Variants in ITGBL1 observed in about 807,000 individuals in gnomAD.
The protein encoded by ITGBL1 is integrin subunit beta like 1, also known as integrin beta-like protein 1.
In ITGBL1, 51 loss-of-function variants were observed where a neutral mutation model predicts 68.5. The observed-to-expected ratio is 0.74, with a 90% CI of 0.59 to 0.94. The LOEUF (loss-of-function observed/expected upper bound fraction) is 0.94. ITGBL1 is among the 40% of genes least tolerant of loss of function. The probability of loss-of-function intolerance (pLI) is 0.00; values close to 1 mark genes in which losing one functional copy is unlikely to be tolerated. For missense variants in ITGBL1, 649 were observed against 647.4 expected (o/e 1.00, Z -0.03); for synonymous variants, 209 against 227.3 (o/e 0.92, Z 0.72).
At position 101,453,938 on chromosome 13, in the gene ITGBL1, C is replaced by T. The variant is rs1205534655; in HGVS notation, c.154C>T (p.Arg52Cys). 7 of 1,420,108 alleles carry T rather than the reference C, an allele frequency of 4.9e-6. No homozygotes were observed. Among genetic ancestry groups the T allele is most frequent in the Non-Finnish European group, 2.8e-6 (3 of 1,080,624 alleles). The allele number at this position is 1,420,108 out of a possible 1,614,324, so 88.0% of individuals were successfully genotyped here. A position where few individuals can be genotyped will look rare whatever the true frequency, so the allele number is the denominator to read the frequency against. The change falls in exon 2 of 11, where the codon CGC (arginine) becomes TGC (cysteine). Residue 52 changes from arginine to cysteine, a missense_variant. Physicochemically the swap from Arg to Cys is radical, Grantham distance 180. Coordinates refer to ENST00000376180, the MANE Select transcript of ITGBL1 (RefSeq NM_004791.3). ...CCGGGCCGAGTCGGAGCGACGCTGCCGCGCACCTGGGCAGCCCCCGGGGGC... is the reference window on the plus strand; with the variant it reads ...CCGGGCCGAGTCGGAGCGACGCTGCTGCGCACCTGGGCAGCCCCCGGGGGC... ...LSRAESERRC[R>C]APGQPPGAAL...
At chr13:101,576,711 A>G (rs1347557127) in intron 4 of ITGBL1, among the ~76,000 whole-genome samples, 1 of 152,104 alleles carries the variant, frequency 6.6e-6, no homozygotes, top group East Asian at 1.9e-4. Context: ...ATCCAAATAC[A>G]CTTATTTTAG....
intron 7 of ITGBL1, among the ~76,000 whole-genome samples, chr13:101,652,783 T>C (rs993349073): frequency 2.6e-5 from 4 of 152,062 alleles, no homozygotes; most frequent in Non-Finnish European, 1.5e-5. Flanking sequence ...GTTACCTCAA[T>C]ATAGTGATCA....
intron 2 of ITGBL1, among the ~76,000 whole-genome samples, chr13:101,463,110 A>G (rs543363564): frequency 1.6e-4 from 24 of 152,324 alleles, no homozygotes; most frequent in African/African-American, 5.8e-4. Flanking sequence ...CATATGAGTG[A>G]TTAATAAATC....
At chr13:101,618,222 A>C (rs1054329527) in intron 7 of ITGBL1, among the ~76,000 whole-genome samples, 3 of 152,180 alleles carry the variant, frequency 2.0e-5, no homozygotes, top group Non-Finnish European at 4.4e-5. Flanking sequence ...ATAGATTAGG[A>C]AAGTGTTAAA....
chr13:101,647,724 A>G (rs1283460780), intron 7 of ITGBL1, among the ~76,000 whole-genome samples: 1 of 152,164 alleles, frequency 6.6e-6, no homozygotes, highest in Non-Finnish European at 1.5e-5. Context: ...GAAAATATAG[A>G]AGGTTGAGAC....
chr13:101,566,937 A>G (rs927586225), intron 2 of ITGBL1, among the ~76,000 whole-genome samples: 7 of 152,156 alleles, frequency 4.6e-5, no homozygotes, highest in Non-Finnish European at 1.0e-4. Flanking sequence ...TTCTTTGTAT[A>G]TTAGCCTTGA....
At chr13:101,679,847 A>G (rs2033599547) in intron 7 of ITGBL1, among the ~76,000 whole-genome samples, 4 of 152,182 alleles carry the variant, frequency 2.6e-5, no homozygotes, top group African/African-American at 9.6e-5. Flanking sequence ...TTCTCTTCCC[A>G]TTTTCAATTT....
At chr13:101,643,923 G>A (rs2032473261) in intron 7 of ITGBL1, among the ~76,000 whole-genome samples, 1 of 152,060 alleles carries the variant, frequency 6.6e-6, no homozygotes, top group Admixed American at 6.6e-5. Flanking sequence ...TTCTTTCTGG[G>A]GTTGTAAACT....
At chr13:101,710,601 TATC>T (rs749296807) in intron 9 of ITGBL1, among the ~76,000 whole-genome samples, 1 of 152,224 alleles carries the variant, frequency 6.6e-6, no homozygotes, top group Non-Finnish European at 1.5e-5. Context: ...CCAAATTTTC[TATC>T]ATTTTTCTCA....
chr13:101,539,465 G>T (rs1251619172), intron 2 of ITGBL1, among the ~76,000 whole-genome samples: 1 of 152,126 alleles, frequency 6.6e-6, no homozygotes, highest in East Asian at 1.9e-4. Flanking sequence ...TGGACATTTG[G>T]GTTGGTTCCA....
At chr13:101,548,974 A>C (rs777847340) in intron 2 of ITGBL1, among the ~76,000 whole-genome samples, 1 of 151,952 alleles carries the variant, frequency 6.6e-6, no homozygotes, top group Admixed American at 6.6e-5. Context: ...CAGACCTACC[A>C]ATTATTTTTT....
chr13:101,648,080 G>A (rs902338472), intron 7 of ITGBL1, among the ~76,000 whole-genome samples: 4 of 152,112 alleles, frequency 2.6e-5, no homozygotes, highest in African/African-American at 9.7e-5. Flanking sequence ...TTGGACTTGT[G>A]AGATCTACCC....
downstream of ITGBL1, chr13:101,716,577 A>AT (rs1022795309): frequency 2.6e-5 from 4 of 152,120 alleles, no homozygotes; most frequent in African/African-American, 7.2e-5. Context: ...AAGAAATCTG[A>AT]TTTTTTATTT....
intron 7 of ITGBL1, among the ~76,000 whole-genome samples, chr13:101,636,063 G>T (rs897122832): frequency 1.3e-5 from 2 of 151,928 alleles, no homozygotes; most frequent in African/African-American, 4.8e-5. Context: ...ATCCCAACAG[G>T]CTGAGACCAT....
chr13:101,679,704 GT>G (rs2139523866), intron 7 of ITGBL1, among the ~76,000 whole-genome samples: 1 of 152,276 alleles, frequency 6.6e-6, no homozygotes, highest in South Asian at 2.1e-4. Context: ...ATCTTGAATA[GT>G]TTTTGGTGTT....
chr13:101,479,184 A>C (rs903914641), intron 2 of ITGBL1, among the ~76,000 whole-genome samples: 1 of 152,104 alleles, frequency 6.6e-6, no homozygotes, highest in Non-Finnish European at 1.5e-5. Context: ...TTTTTTATAA[A>C]GGTGCCAAGA....
At chr13:101,682,489 A>G (rs1163771679) in intron 7 of ITGBL1, among the ~76,000 whole-genome samples, 2 of 152,128 alleles carry the variant, frequency 1.3e-5, no homozygotes, top group African/African-American at 4.8e-5. Context: ...AGAAATGTCA[A>G]GTATTTCAAT....
At chr13:101,508,961 G>T (rs1039558755) in intron 2 of ITGBL1, among the ~76,000 whole-genome samples, 2 of 152,030 alleles carry the variant, frequency 1.3e-5, no homozygotes, top group Non-Finnish European at 2.9e-5. Flanking sequence ...AGAAAACATT[G>T]ACTAAGGAAC....
At position 101,679,493 on chromosome 13, in the gene ITGBL1, G is replaced by GA. The variant is rs3837567; in HGVS notation, c.1016-13086dup. On this transcript the variant is annotated intron_variant, in intron 7 of 10. Transcript: ENST00000376180. ...ACCAATCAATGGGTTTTGCCAGCTA[G>GA]AAAAAAGGAGATTTTTACTCTAATT... Among the ~76,000 whole-genome samples, 52 of 152,262 alleles carry GA rather than the reference G, an allele frequency of 3.4e-4. 1 individual carries two copies. The East Asian group carries it at 9.8e-3, about 29-fold the overall frequency.
Sources: gnomAD v4.1 joint callset for allele counts (sites outside exome capture counted in the v4.1 genomes callset) on GRCh38, gnomAD v4.1.1 for gene constraint, MANE v1.5 for transcripts, NCBI Gene and HGNC (gene_info 2026-07-23, HGNC 2026-07-21) for gene names.